Variants in RELL1 observed in about 807,000 individuals in gnomAD.
RELL1 encodes RELT-like protein 1.
In RELL1, 10 loss-of-function variants were observed where a neutral mutation model predicts 23.0. The observed-to-expected ratio is 0.43, with a 90% confidence interval of 0.27 to 0.74. The LOEUF (loss-of-function observed/expected upper bound fraction) is 0.74. Ranked by LOEUF, RELL1 falls within the 30% of genes least tolerant of loss-of-function variation. RELL1 has a pLI of 0.19. For missense variants in RELL1, 315 were observed against 364.4 expected (o/e 0.86, Z 1.10); for synonymous variants, 146 against 146.8 (o/e 0.99, Z 0.04).
At chr4:37,633,801 C>T (rs1720223356) in intron 5 of RELL1, among the ~76,000 whole-genome samples, 1 of 152,230 alleles carries the variant, frequency 6.6e-6, no homozygotes, top group Non-Finnish European at 1.5e-5. Flanking sequence ...GTGAGTGTGA[C>T]TGTCCTTCTC....
chr4:37,599,280 G>A (rs1718956566), intron 6 of RELL1, among the ~76,000 whole-genome samples: 1 of 152,190 alleles, frequency 6.6e-6, no homozygotes, highest in African/African-American at 2.4e-5. Flanking sequence ...TTTAATGGGA[G>A]GGCCGCTGAA....
downstream of RELL1, among the ~76,000 whole-genome samples, chr4:37,587,450 A>G (rs1718387672): frequency 6.6e-6 from 1 of 152,144 alleles, no homozygotes; most frequent in South Asian, 2.1e-4. Context: ...AGTCCCTTTT[A>G]ACTAAGCAAC....
At chr4:37,638,540 G>A (rs1553873917) in intron 3 of RELL1, 36 bp from the exon 4 acceptor site, 2 of 1,458,844 alleles carry the variant, frequency 1.4e-6, no homozygotes, top group South Asian at 1.2e-5. Context: ...AATTAAAATA[G>A]AATGAATAAG....
At chr4:37,615,670 G>A (rs1719551357) in intron 6 of RELL1, among the ~76,000 whole-genome samples, 1 of 152,186 alleles carries the variant, frequency 6.6e-6, no homozygotes, top group Non-Finnish European at 1.5e-5. Flanking sequence ...GTTTACACAA[G>A]TGAGTACTCA....
chr4:37,626,762 A>G (rs1236504132), intron 6 of RELL1, among the ~76,000 whole-genome samples: 1 of 151,848 alleles, frequency 6.6e-6, no homozygotes, highest in Non-Finnish European at 1.5e-5. Context: ...AGCACATTAC[A>G]TTGAGTGAAA....
chr4:37,632,219 T>G (rs1406716528), intron 5 of RELL1, among the ~76,000 whole-genome samples: 2 of 149,914 alleles, frequency 1.3e-5, no homozygotes, highest in African/African-American at 2.4e-5. Flanking sequence ...CTGCCCAGAC[T>G]GGAGTGCAGT....
intron 1 of RELL1, among the ~76,000 whole-genome samples, chr4:37,669,443 G>A (rs1278816073): frequency 2.7e-5 from 4 of 147,688 alleles, no homozygotes; most frequent in Non-Finnish European, 6.0e-5. Context: ...CAGCCACCCC[G>A]TCCGGGAGGT....
At chr4:37,653,425 T>TATTGAATAC (rs1560348818) in intron 1 of RELL1, among the ~76,000 whole-genome samples, 1 of 86,604 alleles carries the variant, frequency 1.2e-5, no homozygotes, top group Non-Finnish European at 2.4e-5. Flanking sequence ...AACCTCAATA[T>TATTGAATAC]TCAATACAAG....
rs538350592 is a variant in RELL1 at position 37,654,094 on chromosome 4, T to C, written c.89-4594A>G. ...CTGTGAAGATTAAACAATATTAATA[T>C]GTAAAGCATTCAGAAGAGTGTCTAC... is the stretch of plus-strand genomic sequence containing the variant. On this transcript the variant is annotated intron_variant, in intron 1 of 6. Transcript: ENST00000454158. 3.9e-4 allele frequency among the ~76,000 whole-genome samples: 60 copies of C among 152,346 alleles called. 3 individuals are homozygous for C. The highest frequency in any genetic ancestry group is 7.5e-4 in the African/African-American group (31 of 41,590).
At chr4:37,587,545 T>C (rs1718389598), downstream of RELL1, among the ~76,000 whole-genome samples, 1 of 152,172 alleles carries the variant, frequency 6.6e-6, no homozygotes, top group South Asian at 2.1e-4. Context: ...TCACCTATGA[T>C]TGAAAGAAGG....
At position 37,669,188 on chromosome 4, in the gene RELL1, G is replaced by A. The variant is rs954881584; in HGVS notation, c.88+17012C>T. Among the ~76,000 whole-genome samples the A allele has an allele frequency of 5.3e-4, 73 of 137,222 alleles. 6 individuals carry two copies. The East Asian group carries it at 0.012, about 23-fold the overall frequency. 90.0% of individuals were successfully genotyped at this position (137,222 alleles called of 152,430 possible). On this transcript the variant is annotated intron_variant, in intron 1 of 6. Transcript: ENST00000454158. ...CCCCGTCCGGGAGGGAGGTGGGGGGGGGGGTCAGCCCCCTGCCTGGCCAGC... is the reference window on the plus strand; with the variant it reads ...CCCCGTCCGGGAGGGAGGTGGGGGGAGGGGTCAGCCCCCTGCCTGGCCAGC...
chr4:37,605,836 A>AAGG (rs1719191073), downstream of RELL1, among the ~76,000 whole-genome samples: 2 of 123,130 alleles, frequency 1.6e-5, no homozygotes, highest in Non-Finnish European at 4.0e-5. Context: ...AGAAAGAAAG[A>AAGG]AAGAAAGAAG....
Position 37,639,123 on chromosome 4 carries a change from G to A in RELL1, c.386-619C>T, listed in dbSNP as rs1363202505. Among the ~76,000 whole-genome samples, 5 of 152,052 alleles carry A rather than the reference G, an allele frequency of 3.3e-5. 1 individual carries two copies. Among genetic ancestry groups the A allele is most frequent in the East Asian group, 3.9e-4 (2 of 5,186 alleles). Reference sequence around the variant, plus strand: ...GTATTGGCCAGGCGCTGTGGCTCACGCCTGTAATCCCAGCACTTTGGGAAG... The same window carrying A: ...GTATTGGCCAGGCGCTGTGGCTCACACCTGTAATCCCAGCACTTTGGGAAG... On this transcript the variant is annotated intron_variant, in intron 3 of 6. Coordinates refer to ENST00000454158, the MANE Select transcript of RELL1 (RefSeq NM_001085400.2).
intron 4 of RELL1, among the ~76,000 whole-genome samples, chr4:37,635,524 G>C (rs1406253155): frequency 6.6e-6 from 1 of 152,130 alleles, no homozygotes; most frequent in African/African-American, 2.4e-5. Context: ...CTACTTGGGA[G>C]GCAGTGGTGG....
intron 6 of RELL1, among the ~76,000 whole-genome samples, chr4:37,626,514 T>C (rs1443689896): frequency 6.6e-6 from 1 of 152,068 alleles, no homozygotes; most frequent in Non-Finnish European, 1.5e-5. Context: ...AACTACCATA[T>C]GATCCAACAA....
intron 5 of RELL1, among the ~76,000 whole-genome samples, chr4:37,632,109 A>C (rs989642531): frequency 6.8e-6 from 1 of 146,526 alleles, no homozygotes; most frequent in Non-Finnish European, 1.5e-5. Context: ...AAAAAAAAAA[A>C]CACCTCAGAG....
intron 1 of RELL1, among the ~76,000 whole-genome samples, chr4:37,684,018 T>C (rs1189559766): frequency 6.7e-6 from 1 of 150,040 alleles, no homozygotes; most frequent in Non-Finnish European, 1.5e-5. Flanking sequence ...GAGGCGGAGC[T>C]TGCAGTGAGA....
chr4:37,675,002 G>A lies in RELL1; in HGVS notation c.88+11198C>T, dbSNP rs1721975455. On this transcript the variant is annotated intron_variant, in intron 1 of 6. Coordinates refer to ENST00000454158, the MANE Select transcript of RELL1 (RefSeq NM_001085400.2). ...AATTGTCTAATGTGTGTCTTTTCAGGAAATTGAAATTGATATGTTGTATCT... is the reference window on the plus strand; with the variant it reads ...AATTGTCTAATGTGTGTCTTTTCAGAAAATTGAAATTGATATGTTGTATCT... 2.0e-5 allele frequency among the ~76,000 whole-genome samples: 3 copies of A among 152,236 alleles called. No individual in the cohort carries two copies. The South Asian group carries it at 6.2e-4, about 32-fold the overall frequency.
chr4:37,613,400 A>C (rs911623531), intron 6 of RELL1, 58 bp from the exon 7 acceptor site: 1 of 152,306 alleles, frequency 6.6e-6, no homozygotes, highest in East Asian at 1.9e-4. Context: ...CATATCACAT[A>C]TTAATCTGCC....
Sources: gnomAD v4.1 joint callset for allele counts (sites outside exome capture counted in the v4.1 genomes callset) on GRCh38, gnomAD v4.1.1 for gene constraint, MANE v1.5 for transcripts, NCBI Gene and HGNC (gene_info 2026-07-23, HGNC 2026-07-21) for gene names.